Variants in ADGRL3 observed in about 807,000 individuals in gnomAD.
ADGRL3 encodes the protein adhesion G protein-coupled receptor L3, also known as calcium-independent alpha-latrotoxin receptor 3.
In ADGRL3, 62 loss-of-function variants were observed where a neutral mutation model predicts 153.5. The ratio of observed to expected loss-of-function variants is 0.40; its 90% CI spans 0.33 to 0.50. ADGRL3 has a LOEUF of 0.50. Ranked by LOEUF, ADGRL3 falls within the 20% of genes least tolerant of loss-of-function variation. The pLI is 0.47. For synonymous variants in ADGRL3, 710 were observed against 672.5 expected (o/e 1.06, Z -0.86); for missense variants, 1,641 against 1,859.4 (o/e 0.88, Z 2.16).
intron 3 of ADGRL3, among the ~76,000 whole-genome samples, chr4:61,497,620 A>G (rs1253093138): frequency 7.0e-6 from 1 of 143,032 alleles, no homozygotes; most frequent in Non-Finnish European, 1.5e-5. Context: ...GGTTCACGCC[A>G]TTCTCCTGCC....
intron 5 of ADGRL3, among the ~76,000 whole-genome samples, chr4:61,592,030 T>G (rs750718264): frequency 4.3e-5 from 6 of 139,670 alleles, no homozygotes; most frequent in Admixed American, 7.7e-5. Flanking sequence ...TGAGCTGTGA[T>G]CATAAAACCG....
At chr4:61,368,689 T>C (rs2096459048) in intron 1 of ADGRL3, among the ~76,000 whole-genome samples, 1 of 152,178 alleles carries the variant, frequency 6.6e-6, no homozygotes, top group African/African-American at 2.4e-5. Flanking sequence ...TTCTTTTGGC[T>C]TAAGATTGAC....
At chr4:61,676,056 G>T (rs1246491881) in intron 5 of ADGRL3, among the ~76,000 whole-genome samples, 1 of 151,470 alleles carries the variant, frequency 6.6e-6, no homozygotes, top group African/African-American at 2.4e-5. Context: ...TTGTCTTTCT[G>T]TGCCTGTCTT....
In ADGRL3 at chr4:61,606,260, G is replaced by C. The variant is rs1254625922; in HGVS notation, c.473+18820G>C. The stretch of plus-strand genomic sequence containing the variant: ...TTGAAGTTAAAGTGTAAATCAGAGA[G>C]CTGTAATGATGAGGTATCTACAGAC... On this transcript the variant is annotated intron_variant, in intron 5 of 26. Coordinates refer to ENST00000683033, the MANE Select transcript of ADGRL3 (RefSeq NM_001387552.1). Among the ~76,000 whole-genome samples the C allele has an allele frequency of 3.3e-5, 5 of 152,308 alleles. No homozygotes were observed. In the South Asian group the frequency reaches 1.0e-3, roughly 32 times the overall value.
intron 2 of ADGRL3, among the ~76,000 whole-genome samples, chr4:61,390,357 A>G (rs1265937415): frequency 3.3e-5 from 5 of 152,130 alleles, no homozygotes; most frequent in Non-Finnish European, 7.3e-5. Context: ...GGCATTGAAA[A>G]AATATTATGA....
At chr4:61,353,450 G>A (rs1342938571) in intron 1 of ADGRL3, among the ~76,000 whole-genome samples, 2 of 151,960 alleles carry the variant, frequency 1.3e-5, no homozygotes, top group Non-Finnish European at 2.9e-5. Flanking sequence ...GTTATTCAGA[G>A]CTTTGTACAG....
chr4:62,026,050 A>G (rs1267325510), intron 21 of ADGRL3, among the ~76,000 whole-genome samples: 1 of 152,136 alleles, frequency 6.6e-6, no homozygotes, highest in African/African-American at 2.4e-5. Flanking sequence ...GAGGGTACTG[A>G]CATATCCTAG....
intron 1 of ADGRL3, among the ~76,000 whole-genome samples, chr4:61,254,367 T>A (rs988862583): frequency 6.6e-6 from 1 of 152,174 alleles, no homozygotes; most frequent in Non-Finnish European, 1.5e-5. Context: ...CATTATTTTT[T>A]AAGAAACTAT....
At position 61,585,667 on chromosome 4, in the gene ADGRL3, T is replaced by G. The variant is rs527670436; in HGVS notation, c.260-1560T>G. ...AACTTATTTGACAGTTAGTAAACGCTTCATTTAAAATTTAAATTACATGCT... is the reference window on the plus strand; with the variant it reads ...AACTTATTTGACAGTTAGTAAACGCGTCATTTAAAATTTAAATTACATGCT... On this transcript the variant is annotated intron_variant, in intron 4 of 26. Transcript: ENST00000683033. Among the ~76,000 whole-genome samples, 18 of 152,184 alleles carry G rather than the reference T, an allele frequency of 1.2e-4. No homozygotes were observed. The South Asian group carries it at 3.5e-3, about 30-fold the overall frequency.
At chr4:61,568,483 G>A (rs1579583786) in intron 4 of ADGRL3, among the ~76,000 whole-genome samples, 1 of 152,044 alleles carries the variant, frequency 6.6e-6, no homozygotes, top group East Asian at 1.9e-4. Flanking sequence ...TTAATAAATT[G>A]AAGCAGTAGA....
Position 62,004,040 on chromosome 4 carries a change from A to C in ADGRL3, c.3395+5775A>C, listed in dbSNP as rs192320147. 1.8e-4 allele frequency among the ~76,000 whole-genome samples: 28 copies of C among 152,230 alleles called. No homozygotes were observed. The East Asian group carries it at 5.2e-3, about 28-fold the overall frequency. Reference sequence around the variant, plus strand: ...GAAGGTAACCTTTACTTTAAGAAACATGTGTCTAAATGTTAGTAAAAACAA... The same window carrying C: ...GAAGGTAACCTTTACTTTAAGAAACCTGTGTCTAAATGTTAGTAAAAACAA... On this transcript the variant is annotated intron_variant, in intron 21 of 26. Transcript: ENST00000683033.
At chr4:61,776,610 TTATTA>T (rs1438227924) in intron 8 of ADGRL3, among the ~76,000 whole-genome samples, 4 of 152,118 alleles carry the variant, frequency 2.6e-5, no homozygotes, top group Admixed American at 1.3e-4. Context: ...TGTACAGATA[TTATTA>T]TATATTATTG....
chr4:61,778,594 A>G (rs1485234597), intron 8 of ADGRL3, among the ~76,000 whole-genome samples: 1 of 152,190 alleles, frequency 6.6e-6, no homozygotes, highest in Non-Finnish European at 1.5e-5. Context: ...TTATCCAACT[A>G]TGCCCTTTTT....
chr4:61,261,765 G>A (rs1302577252), intron 1 of ADGRL3, among the ~76,000 whole-genome samples: 1 of 152,186 alleles, frequency 6.6e-6, no homozygotes, highest in East Asian at 1.9e-4. Context: ...ATCTAAACCA[G>A]CCAGGGAGGT....
intron 4 of ADGRL3, among the ~76,000 whole-genome samples, chr4:61,520,913 T>A (rs335315): frequency 2.0e-5 from 3 of 151,254 alleles, no homozygotes; most frequent in Admixed American, 1.3e-4. Flanking sequence ...GCCTGAATTG[T>A]GCACCACTCC....
chr4:61,326,465 T>C (rs2150875485), intron 1 of ADGRL3, among the ~76,000 whole-genome samples: 1 of 152,170 alleles, frequency 6.6e-6, no homozygotes, highest in South Asian at 2.1e-4. Flanking sequence ...GTATTACCCC[T>C]AATAGTAGCT....
chr4:61,297,887 T>G (rs1245799389), intron 1 of ADGRL3, among the ~76,000 whole-genome samples: 1 of 152,080 alleles, frequency 6.6e-6, no homozygotes, highest in Admixed American at 6.6e-5. Context: ...CTGACCACTA[T>G]TACAGTATCA....
At chr4:61,473,177 GT>G (rs1327392457) in intron 2 of ADGRL3, among the ~76,000 whole-genome samples, 2 of 149,718 alleles carry the variant, frequency 1.3e-5, no homozygotes, top group African/African-American at 4.9e-5. Flanking sequence ...AATTTCGGCA[GT>G]GAAAGGAAAA....
At chr4:61,565,763 C>T (rs2098813887) in intron 4 of ADGRL3, among the ~76,000 whole-genome samples, 1 of 152,016 alleles carries the variant, frequency 6.6e-6, no homozygotes, top group Admixed American at 6.5e-5. Flanking sequence ...GTCTTGAACT[C>T]CTGGCCTCAG....
Sources: allele counts gnomAD v4.1 joint callset (sites outside exome capture counted in the v4.1 genomes callset), GRCh38; gene constraint gnomAD v4.1.1; transcripts MANE v1.5; gene names NCBI Gene and HGNC (gene_info 2026-07-23, HGNC 2026-07-21).